Variants in MAP4K3 observed in about 807,000 individuals in gnomAD.
MAP4K3 encodes the protein MAPK/ERK kinase kinase kinase 3.
In MAP4K3, 94 loss-of-function variants were observed where a neutral mutation model predicts 143.5. That is an observed-to-expected ratio of 0.65 (90% CI 0.55 to 0.78). MAP4K3 has a LOEUF of 0.78. Ranked by LOEUF, MAP4K3 falls within the 30% of genes least tolerant of loss-of-function variation. The probability of loss-of-function intolerance (pLI) is 0.00; values close to 1 mark genes in which losing one functional copy is unlikely to be tolerated. For synonymous variants in MAP4K3, 416 were observed against 347.2 expected, an observed-to-expected ratio of 1.20 and a Z score of -2.20; for missense variants, 1,077 against 1,068.1, an observed-to-expected ratio of 1.01 and a Z score of -0.12.
chr2:39,331,216 G>A lies in MAP4K3; in HGVS notation c.530+701C>T, dbSNP rs201541875. ...AGCAAGGTAGGAATTCCAGGGTGCT[G>A]TTACTTCAAAGTAATGATATGAACA... On this transcript the variant is annotated intron_variant, in intron 8 of 33. Transcript: ENST00000263881. Among the ~76,000 whole-genome samples the A allele has an allele frequency of 1.1e-4, 16 of 152,224 alleles. 1 individual carries two copies. In the East Asian group the frequency reaches 3.1e-3, roughly 29 times the overall value.
At chr2:39,274,178 A>G (rs1042958944) in intron 24 of MAP4K3, among the ~76,000 whole-genome samples, 2 of 151,840 alleles carry the variant, frequency 1.3e-5, no homozygotes, top group African/African-American at 2.4e-5. Flanking sequence ...GTATAGTTTT[A>G]TTTAAAAAGT....
intron 1 of MAP4K3, among the ~76,000 whole-genome samples, chr2:39,400,917 G>A (rs944078711): frequency 1.2e-4 from 18 of 151,914 alleles, no homozygotes; most frequent in Middle Eastern, 3.2e-3. Flanking sequence ...ATGAAATATC[G>A]GTTAGTTCTG....
chr2:39,263,454 T>C lies in MAP4K3; in HGVS notation c.2136+1749A>G, dbSNP rs1314354875. Among the ~76,000 whole-genome samples, 9 of 147,390 alleles carry C rather than the reference T, an allele frequency of 6.1e-5. No homozygotes were observed. The East Asian group carries it at 1.8e-3, about 29-fold the overall frequency. ...CGCCCGGCTATTTTTTTTTTTTTTG[T>C]ATTTTTAGTAGAGACGGGGTTTCAC... On this transcript the variant is annotated intron_variant, in intron 28 of 33. Coordinates refer to ENST00000263881, the MANE Select transcript of MAP4K3 (RefSeq NM_003618.4).
At chr2:39,309,548 ATTTTTTTTTTTTTT>A (rs749101883) in intron 13 of MAP4K3, 29 bp from the exon 14 acceptor site, 15 of 339,388 alleles carry the variant, frequency 4.4e-5, no homozygotes, top group Admixed American at 6.3e-5. Context: ...TAAAACCAGG[ATTTTTTTTTTTTTT>A]TTTTTTTTTT....
intron 21 of MAP4K3, 103 bp from the exon 22 acceptor site, chr2:39,282,657 T>A (rs1681588501): frequency 2.6e-6 from 2 of 780,856 alleles, no homozygotes; most frequent in South Asian, 3.2e-5. Flanking sequence ...ATGAATACAT[T>A]CTTTGTAAAA....
Position 39,316,986 on chromosome 2 carries a change from G to A in MAP4K3, c.919-1598C>T, listed in dbSNP as rs572816498. Among the ~76,000 whole-genome samples, 4 of 152,206 alleles carry A rather than the reference G, an allele frequency of 2.6e-5. No individual in the cohort carries two copies. In the South Asian group the frequency reaches 8.3e-4, roughly 32 times the overall value. ...CTGAAGCAAAAAGAACAACACTACAGGCATCACATTACCTGATTTCAAACT... is the reference window on the plus strand; with the variant it reads ...CTGAAGCAAAAAGAACAACACTACAAGCATCACATTACCTGATTTCAAACT... On this transcript the variant is annotated intron_variant, in intron 12 of 33. Coordinates refer to ENST00000263881, the MANE Select transcript of MAP4K3 (RefSeq NM_003618.4).
At chr2:39,277,313 CTGTG>C (rs1681305012) in intron 24 of MAP4K3, among the ~76,000 whole-genome samples, 1 of 152,232 alleles carries the variant, frequency 6.6e-6, no homozygotes, top group African/African-American at 2.4e-5. Context: ...CTTATCCTGT[CTGTG>C]TGACAAACTT....
At chr2:39,425,616 G>A (rs1665043621) in intron 1 of MAP4K3, among the ~76,000 whole-genome samples, 1 of 152,106 alleles carries the variant, frequency 6.6e-6, no homozygotes, top group Non-Finnish European at 1.5e-5. Flanking sequence ...AGCATCACTA[G>A]AAACCTGGCA....
chr2:39,337,642 T>TA, intron 4 of MAP4K3, 61 bp from the exon 5 acceptor site: 1 of 1,159,706 alleles, frequency 8.6e-7, no homozygotes, highest in Non-Finnish European at 1.3e-6. Context: ...CAATATATAA[T>TA]AAAGTTTTAC....
intron 1 of MAP4K3, among the ~76,000 whole-genome samples, chr2:39,404,386 C>G (rs1667035595): frequency 6.6e-6 from 1 of 152,070 alleles, no homozygotes; most frequent in African/African-American, 2.4e-5. Context: ...GCAGCACTCA[C>G]CACAAGCTGA....
intron 4 of MAP4K3, 25 bp from the exon 5 acceptor site, chr2:39,337,606 C>A (rs1481855680): frequency 1.3e-6 from 2 of 1,526,256 alleles, no homozygotes; most frequent in African/African-American, 1.4e-5. Context: ...AATTAATACT[C>A]ATAAAATTAG....
At chr2:39,251,989 T>C in intron 32 of MAP4K3, 104 bp from the exon 33 acceptor site, 1 of 743,150 alleles carries the variant, frequency 1.3e-6, no homozygotes, top group South Asian at 1.5e-5. Context: ...TCGCTAAAAA[T>C]GAAAACATAT....
At chr2:39,335,863 T>C (rs932571002) in intron 6 of MAP4K3, among the ~76,000 whole-genome samples, 1 of 152,182 alleles carries the variant, frequency 6.6e-6, no homozygotes, top group African/African-American at 2.4e-5. Flanking sequence ...GGGCATTTTC[T>C]CAGAAGACAG....
At chr2:39,408,149 A>C (rs897064570) in intron 1 of MAP4K3, among the ~76,000 whole-genome samples, 5 of 152,204 alleles carry the variant, frequency 3.3e-5, no homozygotes, top group African/African-American at 1.2e-4. Context: ...AATAAAAAAA[A>C]CCATCTAGAT....
intron 24 of MAP4K3, among the ~76,000 whole-genome samples, chr2:39,274,228 T>G (rs1481285865): frequency 6.6e-6 from 1 of 151,550 alleles, no homozygotes; most frequent in East Asian, 1.9e-4. Flanking sequence ...TCTCTTTTTT[T>G]TTTTTTGAGA....
At chr2:39,370,504 C>T (rs894562943) in intron 2 of MAP4K3, among the ~76,000 whole-genome samples, 1 of 152,088 alleles carries the variant, frequency 6.6e-6, no homozygotes, top group Admixed American at 6.5e-5. Flanking sequence ...AAAGAAAAAA[C>T]TAATGTCAAA....
chr2:39,314,635 A>G (rs759769648), intron 13 of MAP4K3, among the ~76,000 whole-genome samples: 1 of 152,200 alleles, frequency 6.6e-6, no homozygotes, highest in Non-Finnish European at 1.5e-5. Context: ...TAAGGAATAA[A>G]AAAGTTAAGG....
chr2:39,267,617 G>A (rs547937266), intron 26 of MAP4K3, among the ~76,000 whole-genome samples: 37 of 151,036 alleles, frequency 2.4e-4, no homozygotes, highest in African/African-American at 9.0e-4. Flanking sequence ...AGGATGTGGT[G>A]AGCCGAGAGC....
At chr2:39,259,751 A>T (rs984070074) in intron 29 of MAP4K3, among the ~76,000 whole-genome samples, 2 of 152,220 alleles carry the variant, frequency 1.3e-5, no homozygotes, top group Non-Finnish European at 2.9e-5. Flanking sequence ...ATTTGAGTCT[A>T]TATAAATTAT....
Sources: gnomAD v4.1 joint callset for allele counts (sites outside exome capture counted in the v4.1 genomes callset) on GRCh38, gnomAD v4.1.1 for gene constraint, MANE v1.5 for transcripts, NCBI Gene and HGNC (gene_info 2026-07-23, HGNC 2026-07-21) for gene names.